The following PTPRT variants were observed in gnomAD, a reference collection of about 807,000 sequenced individuals.
PTPRT encodes receptor-type tyrosine-protein phosphatase T.
Under a neutral mutation model 176.8 loss-of-function variants are expected in PTPRT, and 56 were observed. That is an observed-to-expected ratio of 0.32 (90% CI 0.26 to 0.40). The LOEUF is 0.40. Among genes scored for constraint, PTPRT ranks in the 10% least tolerant of loss-of-function variants. PTPRT has a pLI of 1.00. For synonymous variants in PTPRT, 783 were observed against 739.0 expected, an observed-to-expected ratio of 1.06 and a Z score of -0.96; for missense variants, 1,540 against 1,908.2, an observed-to-expected ratio of 0.81 and a Z score of 3.60.
At chr20:42,680,731 A>G (rs1385935084) in intron 6 of PTPRT, among the ~76,000 whole-genome samples, 2 of 152,206 alleles carry the variant, frequency 1.3e-5, no homozygotes, top group African/African-American at 2.4e-5. Context: ...CTCCTATTTC[A>G]GACAGCAGTA....
Position 42,635,084 on chromosome 20 carries a change from A to G in PTPRT, c.1153+42782T>C, listed in dbSNP as rs111836771. 4.5e-3 allele frequency among the ~76,000 whole-genome samples: 691 copies of G among 152,214 alleles called. 6 individuals carry two copies. The highest frequency in any genetic ancestry group is 0.016 in the African/African-American group (652 of 41,526). On this transcript the variant is annotated intron_variant, in intron 7 of 30. Transcript: ENST00000373187. Reference sequence around the variant, plus strand: ...CTTGTGGTTTCTCAGAGCTAATTTGAACACTAGATGGAGAAATACTGAAAA... The same window carrying G: ...CTTGTGGTTTCTCAGAGCTAATTTGGACACTAGATGGAGAAATACTGAAAA...
At chr20:42,753,385 CTCCTAGCTTACCACCATCA>C (rs2145392669) in intron 6 of PTPRT, among the ~76,000 whole-genome samples, 1 of 152,304 alleles carries the variant, frequency 6.6e-6, no homozygotes, top group South Asian at 2.1e-4. Context: ...AGGGACCAGG[CTCCTAGCTTACCACCATCA>C]TAATATTTAA....
intron 2 of PTPRT, among the ~76,000 whole-genome samples, chr20:42,817,705 G>A (rs192925658): frequency 3.3e-4 from 50 of 152,282 alleles, no homozygotes; most frequent in Middle Eastern, 3.4e-3. Flanking sequence ...AGGCTGGAGG[G>A]CTTGATCCCA....
rs575015177 is a variant in PTPRT, at chr20:42,165,034, G to A, written c.2492-3492C>T. Among the ~76,000 whole-genome samples, 19 of 152,160 alleles carry A rather than the reference G, an allele frequency of 1.2e-4. No individual in the cohort carries two copies. The Middle Eastern group carries it at 0.01, about 82-fold the overall frequency. ...CCTGCAGTAACTCTTGTTACTGCCCGCGAGGAGCTTGTGGGATGGGCAGAA... is the reference window on the plus strand; with the variant it reads ...CCTGCAGTAACTCTTGTTACTGCCCACGAGGAGCTTGTGGGATGGGCAGAA... On this transcript the variant is annotated intron_variant, in intron 16 of 30. Coordinates refer to ENST00000373187, the MANE Select transcript of PTPRT (RefSeq NM_007050.6).
intron 1 of PTPRT, among the ~76,000 whole-genome samples, chr20:43,031,787 G>T (rs1237427062): frequency 6.6e-6 from 1 of 152,194 alleles, no homozygotes; most frequent in East Asian, 1.9e-4. Flanking sequence ...ATAAGGGACT[G>T]TCTCTGAAGA....
chr20:43,051,412 T>G (rs1210325792), intron 1 of PTPRT, among the ~76,000 whole-genome samples: 1 of 152,224 alleles, frequency 6.6e-6, no homozygotes, highest in East Asian at 1.9e-4. Context: ...TCTCTTGTCC[T>G]AGGCAGATGT....
intron 27 of PTPRT, among the ~76,000 whole-genome samples, chr20:42,097,103 T>C (rs889722836): frequency 1.1e-4 from 16 of 152,220 alleles, no homozygotes; most frequent in Admixed American, 8.5e-4. Context: ...TGGTCATCCC[T>C]ATTTCATACA....
Position 42,526,050 on chromosome 20 carries a change from T to C in PTPRT, c.1154-53488A>G, listed in dbSNP as rs76825343. 3.0e-3 allele frequency among the ~76,000 whole-genome samples: 452 copies of C among 152,254 alleles called. 2 individuals carry two copies. The highest frequency in any genetic ancestry group is 0.01 in the African/African-American group (421 of 41,550). ...TAATTTTGTAGGCCATTGATATGTT[T>C]GCTTGTACACCAAATAATTCTTTGT... On this transcript the variant is annotated intron_variant, in intron 7 of 30. Coordinates refer to ENST00000373187, the MANE Select transcript of PTPRT (RefSeq NM_007050.6).
At chr20:42,360,063 G>C (rs754008827) in intron 9 of PTPRT, among the ~76,000 whole-genome samples, 1 of 152,134 alleles carries the variant, frequency 6.6e-6, no homozygotes, top group Non-Finnish European at 1.5e-5. Flanking sequence ...AAACAAACTC[G>C]AAATCCAGCT....
rs1177104155 is a variant in PTPRT at position 42,413,767 on chromosome 20, C to G, written c.1560+34453G>C. On this transcript the variant is annotated intron_variant, in intron 9 of 30. Transcript: ENST00000373187. Reference sequence around the variant, plus strand: ...CATTCAAACCTCACTCAAAGAACACCTCCACAGAGAACTAGCCTTCTTGAA... The same window carrying G: ...CATTCAAACCTCACTCAAAGAACACGTCCACAGAGAACTAGCCTTCTTGAA... Among the ~76,000 whole-genome samples the G allele has an allele frequency of 3.8e-4, 58 of 152,308 alleles. 1 individual carries two copies.
intron 12 of PTPRT, among the ~76,000 whole-genome samples, chr20:42,287,236 C>T (rs1027082629): frequency 2.0e-5 from 3 of 151,776 alleles, no homozygotes; most frequent in African/African-American, 4.8e-5. Flanking sequence ...TACTACTGGG[C>T]ATTTATCCAA....
intron 1 of PTPRT, among the ~76,000 whole-genome samples, chr20:43,098,654 A>C (rs1433171635): frequency 6.6e-6 from 1 of 151,978 alleles, no homozygotes; most frequent in Non-Finnish European, 1.5e-5. Context: ...AGGATAAAAA[A>C]TCGATGCAAT....
chr20:42,459,620 G>A (rs1261416808), intron 8 of PTPRT, among the ~76,000 whole-genome samples: 1 of 152,184 alleles, frequency 6.6e-6, no homozygotes, highest in African/African-American at 2.4e-5. Context: ...GTTCAGATGT[G>A]GGGAACAGCA....
chr20:42,045,774 G>A, the PTPRT span, among the ~76,000 whole-genome samples: 6 of 152,072 alleles, frequency 3.9e-5, no homozygotes, highest in Non-Finnish European at 7.4e-5. Context: ...CTGAACAACT[G>A]AGGCCAAGTC....
At chr20:42,959,245 G>T (rs971324053) in intron 1 of PTPRT, among the ~76,000 whole-genome samples, 4 of 152,218 alleles carry the variant, frequency 2.6e-5, no homozygotes, top group Admixed American at 1.3e-4. Flanking sequence ...GCTCATGTAC[G>T]TCAAGTGCTT....
intron 1 of PTPRT, among the ~76,000 whole-genome samples, chr20:43,182,390 C>T (rs2015279425): frequency 6.6e-6 from 1 of 151,570 alleles, no homozygotes; most frequent in Non-Finnish European, 1.5e-5. Flanking sequence ...CAAACATCTT[C>T]CTTCTTTTTT....
chr20:42,441,384 A>T (rs1172821521), intron 9 of PTPRT, among the ~76,000 whole-genome samples: 1 of 152,202 alleles, frequency 6.6e-6, no homozygotes, highest in Middle Eastern at 3.2e-3. Flanking sequence ...GGCTGCCAGG[A>T]ACTGGGTGAG....
At chr20:42,155,069 T>C (rs182068287) in intron 17 of PTPRT, among the ~76,000 whole-genome samples, 116 of 152,312 alleles carry the variant, frequency 7.6e-4, no homozygotes, top group East Asian at 3.3e-3. Context: ...TTTAAAAGTA[T>C]ATTCACATCA....
At chr20:42,990,966 C>A (rs1475446829) in intron 1 of PTPRT, among the ~76,000 whole-genome samples, 3 of 151,944 alleles carry the variant, frequency 2.0e-5, no homozygotes, top group Admixed American at 1.3e-4. Context: ...GTAAAGATGA[C>A]CTGGTAGGAA....
Sources: allele counts gnomAD v4.1 joint callset (sites outside exome capture counted in the v4.1 genomes callset), GRCh38; gene constraint gnomAD v4.1.1; transcripts MANE v1.5; gene names NCBI Gene and HGNC (gene_info 2026-07-23, HGNC 2026-07-21).